CNTRL: variants seen among roughly 807,000 people sequenced by gnomAD.
CNTRL encodes centriolin, also known as 110 kDa centrosomal protein.
CNTRL carries 233 observed loss-of-function variants against 303.7 expected under a neutral mutation model. The ratio of observed to expected loss-of-function variants is 0.77; its 90% CI spans 0.69 to 0.86. CNTRL has a LOEUF of 0.86. Ranked by LOEUF, CNTRL falls within the 40% of genes least tolerant of loss-of-function variation. CNTRL has a pLI of 0.00. For missense variants in CNTRL, 2,524 were observed against 2,650.6 expected (o/e 0.95, Z 1.05); for synonymous variants, 900 against 922.2 (o/e 0.98, Z 0.44).
intron 11 of CNTRL, among the ~76,000 whole-genome samples, chr9:121,116,066 A>G (rs1205939976): frequency 2.0e-5 from 3 of 152,160 alleles, no homozygotes; most frequent in Admixed American, 1.3e-4. Context: ...TTTATTTAAA[A>G]AAAAGGAAAG....
At chr9:121,109,144 T>C (rs2049626672) in intron 8 of CNTRL, among the ~76,000 whole-genome samples, 1 of 152,288 alleles carries the variant, frequency 6.6e-6, no homozygotes, top group Admixed American at 6.5e-5. Context: ...GTACATCCTC[T>C]AGTATACTTT....
chr9:121,084,735 G>A (rs1025052630), intron 2 of CNTRL, among the ~76,000 whole-genome samples: 3 of 152,004 alleles, frequency 2.0e-5, no homozygotes, highest in Admixed American at 6.6e-5. Context: ...TAGTAGAGAC[G>A]GGGTTTCACC....
rs549360336 is a variant in CNTRL, at chr9:121,146,566, A to G, written c.3459+310A>G. On this transcript the variant is annotated intron_variant, in intron 23 of 43. Transcript: ENST00000373855. The stretch of plus-strand genomic sequence containing the variant: ...TAGAATTGTGCAGAGCCTCCGACAG[A>G]AAAAAAGGCACCTGGATTTCATGTC... 1.6e-3 allele frequency among the ~76,000 whole-genome samples: 242 copies of G among 152,278 alleles called. 1 individual carries two copies. Among genetic ancestry groups the G allele is most frequent in the Middle Eastern group, 3.4e-3 (1 of 294 alleles).
Position 121,160,133 on chromosome 9 carries a change from T to C in CNTRL, c.4930-10T>C, listed in dbSNP as rs1564291693. ...ACAGGAGGGAATAACTTTTTTTTTT[T>C]CAAACACAGGAAGTAAAATCTCTTC... is the stretch of plus-strand genomic sequence containing the variant. On this transcript the variant is annotated splice_polypyrimidine_tract_variant and intron_variant, in intron 31 of 43. Transcript: ENST00000373855. 4 of 1,449,846 alleles carry C rather than the reference T, an allele frequency of 2.8e-6. No individual in the cohort carries two copies. The highest frequency in any genetic ancestry group is 2.8e-5 in the Admixed American group (1 of 36,210). 89.8% of individuals were successfully genotyped at this position (1,449,846 alleles called of 1,614,324 possible). A position where few individuals can be genotyped will look rare whatever the true frequency, so the allele number is the denominator to read the frequency against.
chr9:121,102,422 G>C (rs113734597), intron 7 of CNTRL, among the ~76,000 whole-genome samples: 5 of 152,056 alleles, frequency 3.3e-5, no homozygotes, highest in Admixed American at 6.6e-5. Context: ...CTATTTATGA[G>C]AAACCCACAG....
At chr9:121,145,812 C>G (rs151070379) in intron 22 of CNTRL, among the ~76,000 whole-genome samples, 1,717 of 152,272 alleles carry the variant, frequency 0.011, 11 homozygotes, top group South Asian at 0.021. Flanking sequence ...AGGAGAATCA[C>G]TTGAACCTGG....
Position 121,171,548 on chromosome 9 carries a change from G to C in CNTRL, c.6417G>C (p.Gln2139His), listed in dbSNP as rs749810261. 1.2e-6 allele frequency: 2 copies of C among 1,613,128 alleles called. No homozygotes were observed. Among genetic ancestry groups the C allele is most frequent in the East Asian group, 4.5e-5 (2 of 44,830 alleles). Residue 2139 changes from glutamine (Q) to histidine (H), a missense_variant and splice_region_variant, in exon 40 of 44, where the codon CAG becomes CAC. Gln to His is a conservative substitution (Grantham distance 24). Transcript: ENST00000373855. ...ATGAGTACACGGAGCTCAAGAAACA[G>C]GTGTGTGCCCAGAAAGCCCAGCTGG... ...MQYEYTELKK[Q>H]MANQKDLERR... is the part of the protein sequence containing the mutation.
At chr9:121,161,499 G>C (rs2052852629) in intron 32 of CNTRL, 3 of 337,500 alleles carry the variant, frequency 8.9e-6, no homozygotes, top group Non-Finnish European at 1.1e-5. Flanking sequence ...AAATGTTTTT[G>C]TTAAAATGTT....
intron 31 of CNTRL, among the ~76,000 whole-genome samples, chr9:121,159,646 C>G (rs2052756281): frequency 6.6e-6 from 1 of 151,030 alleles, no homozygotes; most frequent in Non-Finnish European, 1.5e-5. Context: ...GATCGTGCCA[C>G]TGCACCCTGG....
chr9:121,106,753 T>C (rs1267620786), intron 7 of CNTRL, among the ~76,000 whole-genome samples: 3 of 152,182 alleles, frequency 2.0e-5, no homozygotes, highest in African/African-American at 7.2e-5. Context: ...TTGATCCAAC[T>C]TGAGAAACAT....
chr9:121,122,428 T>A (rs1053296743), intron 12 of CNTRL: 1 of 978,538 alleles, frequency 1.0e-6, no homozygotes, highest in Non-Finnish European at 1.2e-6. Context: ...GTATTTGGGG[T>A]AAGCAAATAC....
chr9:121,141,639 T>C (rs1469403954), intron 18 of CNTRL, 51 bp downstream of exon 18: 2 of 1,493,166 alleles, frequency 1.3e-6, no homozygotes, highest in African/African-American at 2.8e-5. Context: ...CAAATATTAA[T>C]GTTTTTCAGC....
intron 19 of CNTRL, among the ~76,000 whole-genome samples, chr9:121,143,377 T>G (rs1167610985): frequency 6.6e-6 from 1 of 152,228 alleles, no homozygotes; most frequent in African/African-American, 2.4e-5. Context: ...CTTCTACTCA[T>G]GACCCTGCTC....
intron 40 of CNTRL, 149 bp from the exon 41 acceptor site, chr9:121,173,094 A>G: frequency 1.5e-6 from 1 of 665,832 alleles, no homozygotes; most frequent in Admixed American, 3.2e-5. Flanking sequence ...TAGAGTCTTG[A>G]GTATCTGAAA....
intron 12 of CNTRL, among the ~76,000 whole-genome samples, chr9:121,122,804 T>C (rs1195203806): frequency 6.6e-6 from 1 of 152,166 alleles, no homozygotes; most frequent in Non-Finnish European, 1.5e-5. Flanking sequence ...TTAACAGTAG[T>C]TCCCTGATGC....
intron 11 of CNTRL, among the ~76,000 whole-genome samples, chr9:121,115,616 T>C (rs2049942216): frequency 6.6e-6 from 1 of 151,870 alleles, no homozygotes; most frequent in South Asian, 2.1e-4. Flanking sequence ...ACAAAAAGAT[T>C]GATGTAACAT....
intron 8 of CNTRL, among the ~76,000 whole-genome samples, chr9:121,109,230 T>A (rs561135477): frequency 7.9e-5 from 12 of 152,276 alleles, no homozygotes; most frequent in Middle Eastern, 6.8e-3. Context: ...TAGGAAATAA[T>A]AATTAAGAAA....
chr9:121,144,949 A>C lies in CNTRL; in HGVS notation c.3158A>C (p.Lys1053Thr). The change falls in exon 21 of 44, where the codon AAG becomes ACG. Residue 1053 changes from lysine to threonine, a missense_variant. Transcript: ENST00000373855. ...CTCCTGCAGAATCTCCTCAGGCAGA[A>C]GGGGGAGCAGGTCAGTGTTGGTACC... is the stretch of plus-strand genomic sequence containing the variant. ...IELLQNLLRQ[K>T]GEQFRLEMEK... 6.2e-7 allele frequency: 1 copy of C among 1,613,008 alleles called. No homozygotes were observed. The highest frequency in any genetic ancestry group is 8.5e-7 in the Non-Finnish European group (1 of 1,179,334).
At chr9:121,130,730 T>C (rs898779044) in intron 14 of CNTRL, among the ~76,000 whole-genome samples, 1 of 152,248 alleles carries the variant, frequency 6.6e-6, no homozygotes, top group African/African-American at 2.4e-5. Context: ...TGTTAGGGTA[T>C]TGATTTTAGA....
Sources: allele counts gnomAD v4.1 joint callset (sites outside exome capture counted in the v4.1 genomes callset), GRCh38; gene constraint gnomAD v4.1.1; transcripts MANE v1.5; gene names NCBI Gene and HGNC (gene_info 2026-07-23, HGNC 2026-07-21).